The following SDK1 variants were observed in gnomAD, a reference collection of about 807,000 sequenced individuals.
SDK1 encodes protein sidekick-1.
A neutral mutation model predicts 245.5 loss-of-function variants in SDK1; 157 were observed. The ratio of observed to expected loss-of-function variants is 0.64; its 90% CI spans 0.56 to 0.73. The LOEUF is 0.73. Among genes scored for constraint, SDK1 ranks in the 30% least tolerant of loss-of-function variants. The pLI, the probability that SDK1 is intolerant of heterozygous loss-of-function variation, is 0.00. For synonymous variants in SDK1, 1,647 were observed against 1,278.5 expected (o/e 1.29, Z -6.15); for missense variants, 3,583 against 3,002.3 (o/e 1.19, Z -4.52).
intron 1 of SDK1, among the ~76,000 whole-genome samples, chr7:3,485,820 A>AATCCAACTATGGTGGCTTTCTAAAAC (rs1781677853): frequency 6.6e-6 from 1 of 150,688 alleles, no homozygotes; most frequent in African/African-American, 2.4e-5. Flanking sequence ...TATATTTATG[A>AATCCAACTATGGTGGCTTTCTAAAAC]ATCCAACTAT....
intron 1 of SDK1, among the ~76,000 whole-genome samples, chr7:3,481,085 C>T (rs1031441535): frequency 2.0e-5 from 3 of 152,154 alleles, no homozygotes; most frequent in African/African-American, 7.2e-5. Flanking sequence ...ATTACTAATA[C>T]ATTTGGAATT....
At chr7:3,543,310 G>A (rs1460216275) in intron 1 of SDK1, among the ~76,000 whole-genome samples, 1 of 152,220 alleles carries the variant, frequency 6.6e-6, no homozygotes, top group Non-Finnish European at 1.5e-5. Context: ...TATACTCCTT[G>A]CTTAATTTCT....
chr7:4,199,211 A>T (rs573583120), intron 35 of SDK1, among the ~76,000 whole-genome samples: 19 of 152,040 alleles, frequency 1.2e-4, no homozygotes, highest in Non-Finnish European at 2.6e-4. Flanking sequence ...GGGGCTGTGG[A>T]TTGCACCATG....
intron 17 of SDK1, among the ~76,000 whole-genome samples, chr7:4,029,885 C>A (rs971127844): frequency 2.0e-5 from 3 of 152,204 alleles, no homozygotes; most frequent in African/African-American, 7.2e-5. Flanking sequence ...AATCAACACA[C>A]TGAAATGTAG....
At chr7:3,351,705 G>C (rs1780664287) in intron 1 of SDK1, among the ~76,000 whole-genome samples, 1 of 152,146 alleles carries the variant, frequency 6.6e-6, no homozygotes, top group Non-Finnish European at 1.5e-5. Flanking sequence ...CTGCACAGTG[G>C]TAAAAGGTTC....
At chr7:3,499,275 C>G (rs1390614204) in intron 1 of SDK1, among the ~76,000 whole-genome samples, 8 of 152,296 alleles carry the variant, frequency 5.3e-5, no homozygotes, top group Non-Finnish European at 1.2e-4. Flanking sequence ...CAGTAACTTG[C>G]TTACAATGCC....
intron 4 of SDK1, among the ~76,000 whole-genome samples, chr7:3,765,037 A>G (rs1251353944): frequency 6.6e-6 from 1 of 152,184 alleles, no homozygotes; most frequent in Admixed American, 6.5e-5. Flanking sequence ...GTGTACATAT[A>G]TAACAACATA....
intron 40 of SDK1, among the ~76,000 whole-genome samples, chr7:4,226,828 A>G (rs547552353): frequency 6.6e-6 from 1 of 152,352 alleles, no homozygotes; most frequent in East Asian, 1.9e-4. Flanking sequence ...ACATATTTAC[A>G]CAATAGACTG....
intron 1 of SDK1, among the ~76,000 whole-genome samples, chr7:3,494,731 T>C (rs960246573): frequency 2.0e-5 from 3 of 152,224 alleles, no homozygotes; most frequent in African/African-American, 7.2e-5. Context: ...ATTTTAACAT[T>C]GTGTTTGAGA....
At chr7:3,693,088 A>G (rs1219187489) in intron 4 of SDK1, among the ~76,000 whole-genome samples, 1 of 152,066 alleles carries the variant, frequency 6.6e-6, no homozygotes, top group Non-Finnish European at 1.5e-5. Context: ...TATTAATATG[A>G]CTTAATATCT....
At chr7:3,418,407 A>G (rs981852233) in intron 1 of SDK1, among the ~76,000 whole-genome samples, 2 of 152,184 alleles carry the variant, frequency 1.3e-5, no homozygotes, top group Non-Finnish European at 2.9e-5. Context: ...GCAAAGAGTC[A>G]CTGGCAGGTG....
At chr7:3,982,628 C>T (rs1282583989) in intron 13 of SDK1, among the ~76,000 whole-genome samples, 1 of 152,024 alleles carries the variant, frequency 6.6e-6, no homozygotes, top group Non-Finnish European at 1.5e-5. Flanking sequence ...ATCACAAGGT[C>T]AGGAGATCGA....
chr7:3,539,350 G>A (rs1778987136), intron 1 of SDK1, among the ~76,000 whole-genome samples: 1 of 152,204 alleles, frequency 6.6e-6, no homozygotes, highest in Non-Finnish European at 1.5e-5. Context: ...AGATAGGTAG[G>A]TAGATAGACA....
chr7:3,802,755 T>C (rs1259674310), intron 4 of SDK1, among the ~76,000 whole-genome samples: 1 of 152,216 alleles, frequency 6.6e-6, no homozygotes, highest in Non-Finnish European at 1.5e-5. Context: ...AACCTAATAC[T>C]CTTGAGACCC....
At chr7:3,316,172 G>T (rs1779658358) in intron 1 of SDK1, among the ~76,000 whole-genome samples, 1 of 152,122 alleles carries the variant, frequency 6.6e-6, no homozygotes, top group Admixed American at 6.5e-5. Flanking sequence ...CATAAATTTT[G>T]TATTTAAAAC....
chr7:4,102,815 A>G (rs1283190236), intron 22 of SDK1, among the ~76,000 whole-genome samples: 1 of 152,134 alleles, frequency 6.6e-6, no homozygotes. Context: ...GGGCGGCAGC[A>G]TCCCCGTGGG....
At chr7:3,454,423 T>TGTGTGTGTGTGTGTGTGC (rs1554273965) in intron 1 of SDK1, among the ~76,000 whole-genome samples, 125 of 150,132 alleles carry the variant, frequency 8.3e-4, no homozygotes, top group African/African-American at 2.8e-3. Context: ...TGTGTGTGTG[T>TGTGTGTGTGTGTGTGTGC]GCTGTGTACA....
chr7:3,540,743 A>G (rs763335619), intron 1 of SDK1, among the ~76,000 whole-genome samples: 6 of 152,232 alleles, frequency 3.9e-5, no homozygotes, highest in Admixed American at 2.0e-4. Context: ...AGTTGTTTCC[A>G]TAAGGCTCTG....
At chr7:3,392,084 T>C (rs897035856) in intron 1 of SDK1, among the ~76,000 whole-genome samples, 2 of 152,016 alleles carry the variant, frequency 1.3e-5, no homozygotes. Flanking sequence ...TAGAAAGTAT[T>C]AGTATTATAA....
Sources: allele counts gnomAD v4.1 joint callset (sites outside exome capture counted in the v4.1 genomes callset), GRCh38; gene constraint gnomAD v4.1.1; transcripts MANE v1.5; gene names NCBI Gene and HGNC (gene_info 2026-07-23, HGNC 2026-07-21).